MYO3B: variants seen among roughly 807,000 people sequenced by gnomAD.
MYO3B encodes the protein myosin IIIB.
A neutral mutation model predicts 174.6 loss-of-function variants in MYO3B; 156 were observed. That is an observed-to-expected ratio of 0.89 (90% CI 0.78 to 1.02). The LOEUF (loss-of-function observed/expected upper bound fraction) is 1.02. MYO3B is among the 50% of genes least tolerant of loss of function. The probability of loss-of-function intolerance (pLI) is 0.00; values close to 1 mark genes in which losing one functional copy is unlikely to be tolerated. For synonymous variants in MYO3B, 563 were observed against 569.1 expected (o/e 0.99, Z 0.15); for missense variants, 1,632 against 1,639.4 (o/e 1.00, Z 0.08).
At chr2:170,421,428 T>C (rs1489306539) in intron 22 of MYO3B, among the ~76,000 whole-genome samples, 1 of 152,184 alleles carries the variant, frequency 6.6e-6, no homozygotes, top group African/African-American at 2.4e-5. Flanking sequence ...AACAGTACAC[T>C]TGTGGCTAAA....
chr2:170,316,186 ATG>A (rs1463800449), intron 7 of MYO3B, among the ~76,000 whole-genome samples: 3 of 152,204 alleles, frequency 2.0e-5, no homozygotes, highest in Non-Finnish European at 4.4e-5. Flanking sequence ...ACACATATAA[ATG>A]TGTGTGTATT....
intron 1 of MYO3B, among the ~76,000 whole-genome samples, chr2:170,191,630 G>T (rs879452178): frequency 6.6e-6 from 1 of 152,116 alleles, no homozygotes; most frequent in Non-Finnish European, 1.5e-5. Flanking sequence ...CCAATGCAAA[G>T]TTCCCCAATC....
chr2:170,296,682 G>T (rs3856430), intron 7 of MYO3B, among the ~76,000 whole-genome samples: 2 of 151,914 alleles, frequency 1.3e-5, no homozygotes, highest in African/African-American at 4.8e-5. Context: ...TCACATTGCT[G>T]TAAAAAAATA....
At chr2:170,314,058 A>G (rs1377225790) in intron 7 of MYO3B, among the ~76,000 whole-genome samples, 1 of 152,168 alleles carries the variant, frequency 6.6e-6, no homozygotes, top group Non-Finnish European at 1.5e-5. Flanking sequence ...CTCCCTCCCT[A>G]CAGCCCCCCT....
chr2:170,462,296 A>C (rs180797230), intron 23 of MYO3B, among the ~76,000 whole-genome samples: 1 of 152,194 alleles, frequency 6.6e-6, no homozygotes, highest in Non-Finnish European at 1.5e-5. Flanking sequence ...AGAGCTGCTC[A>C]CTGATAGGTT....
At chr2:170,293,732 C>T (rs888249794) in intron 7 of MYO3B, among the ~76,000 whole-genome samples, 10 of 152,260 alleles carry the variant, frequency 6.6e-5, no homozygotes, top group South Asian at 2.1e-4. Flanking sequence ...TTTGAGACCA[C>T]AGCTCCCCTG....
At chr2:170,614,933 TC>T (rs760283552) in intron 32 of MYO3B, among the ~76,000 whole-genome samples, 8 of 152,200 alleles carry the variant, frequency 5.3e-5, no homozygotes, top group African/African-American at 1.9e-4. Context: ...TCCCCCTCCC[TC>T]CCTTGCTCAC....
intron 32 of MYO3B, among the ~76,000 whole-genome samples, chr2:170,554,571 C>T (rs778946098): frequency 1.3e-4 from 20 of 152,236 alleles, no homozygotes; most frequent in Non-Finnish European, 2.2e-4. Flanking sequence ...CTTTCACAGC[C>T]TGTTCTCATT....
intron 14 of MYO3B, among the ~76,000 whole-genome samples, chr2:170,389,959 G>A (rs2094400456): frequency 6.6e-6 from 1 of 152,032 alleles, no homozygotes; most frequent in Admixed American, 6.6e-5. Context: ...TAGCCATCTT[G>A]GCTTCTTATA....
intron 23 of MYO3B, among the ~76,000 whole-genome samples, chr2:170,445,562 A>G (rs951933434): frequency 1.3e-5 from 2 of 151,972 alleles, no homozygotes; most frequent in Admixed American, 1.3e-4. Flanking sequence ...GCTGGTCTCC[A>G]ACTCCCGACC....
rs1685597044 is a variant in MYO3B at position 170,480,143 on chromosome 2, T to C, written c.3014+13432T>C. 3.3e-5 allele frequency among the ~76,000 whole-genome samples: 5 copies of C among 152,174 alleles called. No individual in the cohort carries two copies. The South Asian group carries it at 1.0e-3, about 32-fold the overall frequency. ...TCCTGGCTCATAACTCCCATAACCC[T>C]TATTACAGTCTTTTGTTTATAATGT... On this transcript the variant is annotated intron_variant, in intron 25 of 34. Transcript: ENST00000408978.
intron 6 of MYO3B, among the ~76,000 whole-genome samples, chr2:170,234,206 A>C (rs1211651252): frequency 3.0e-5 from 4 of 134,864 alleles, no homozygotes; most frequent in East Asian, 1.9e-4. Context: ...AACAAAAAAA[A>C]AACACCTGTT....
intron 22 of MYO3B, among the ~76,000 whole-genome samples, chr2:170,423,068 G>A (rs996254800): frequency 2.3e-5 from 3 of 129,044 alleles, no homozygotes; most frequent in Admixed American, 9.7e-5. Flanking sequence ...TGCAACCTCC[G>A]CCCCCCAGGT....
chr2:170,213,353 C>G (rs1027422724), intron 3 of MYO3B, among the ~76,000 whole-genome samples: 1 of 152,110 alleles, frequency 6.6e-6, no homozygotes, highest in Non-Finnish European at 1.5e-5. Flanking sequence ...GAGTCGTGAT[C>G]GATTGACCAA....
chr2:170,375,719 ATG>A (rs1491503987), intron 9 of MYO3B, among the ~76,000 whole-genome samples: 5 of 79,912 alleles, frequency 6.3e-5, no homozygotes, highest in East Asian at 3.4e-4. Flanking sequence ...ATGTGCATGC[ATG>A]CACACACACA....
At chr2:170,186,055 A>G (rs948786987) in intron 1 of MYO3B, among the ~76,000 whole-genome samples, 1 of 152,180 alleles carries the variant, frequency 6.6e-6, no homozygotes, top group African/African-American at 2.4e-5. Flanking sequence ...TTTTCCAAAT[A>G]TAAGATCATA....
chr2:170,214,685 C>A (rs1267359611), intron 4 of MYO3B, 44 bp from the exon 5 acceptor site: 2 of 1,551,836 alleles, frequency 1.3e-6, no homozygotes, highest in East Asian at 2.2e-5. Context: ...GTAAATTTCC[C>A]CTTTCTCTTT....
At chr2:170,507,639 C>T (rs563660906) in intron 28 of MYO3B, among the ~76,000 whole-genome samples, 68 of 152,260 alleles carry the variant, frequency 4.5e-4, no homozygotes, top group African/African-American at 1.6e-3. Flanking sequence ...GTGATCCGCA[C>T]GCCTCAGCCT....
intron 9 of MYO3B, among the ~76,000 whole-genome samples, chr2:170,381,457 A>T (rs2094334967): frequency 6.6e-6 from 1 of 152,240 alleles, no homozygotes; most frequent in African/African-American, 2.4e-5. Context: ...CCCATCAAAT[A>T]GTGGTCACCT....
Sources: allele counts gnomAD v4.1 joint callset (sites outside exome capture counted in the v4.1 genomes callset), GRCh38; gene constraint gnomAD v4.1.1; transcripts MANE v1.5; gene names NCBI Gene and HGNC (gene_info 2026-07-23, HGNC 2026-07-21).